The following CUX1 variants were observed in gnomAD, a reference collection of about 807,000 sequenced individuals.
CUX1 encodes cut like homeobox 1.
CUX1 carries 31 observed loss-of-function variants against 158.8 expected under a neutral mutation model. The observed-to-expected ratio is 0.20, with a 90% CI of 0.15 to 0.26. The LOEUF (loss-of-function observed/expected upper bound fraction) is 0.26, where lower values mean the gene tolerates loss of function less well. CUX1 is among the 10% of genes least tolerant of loss of function. The pLI is 1.00. For synonymous variants in CUX1, 879 were observed against 862.1 expected, an observed-to-expected ratio of 1.02 and a Z score of -0.34; for missense variants, 1,589 against 2,014.6, an observed-to-expected ratio of 0.79 and a Z score of 4.04.
chr7:102,099,348 G>C (rs936290130), intron 5 of CUX1, among the ~76,000 whole-genome samples: 5 of 152,164 alleles, frequency 3.3e-5, no homozygotes, highest in African/African-American at 4.8e-5. Flanking sequence ...TGCTGTGAGG[G>C]AAGGTATTAC....
At chr7:102,220,553 C>T (rs1475267022) in intron 20 of CUX1, among the ~76,000 whole-genome samples, 1 of 152,170 alleles carries the variant, frequency 6.6e-6, no homozygotes, top group Non-Finnish European at 1.5e-5. Context: ...TGGTGGCCAC[C>T]CTGTTGTGTC....
intron 9 of CUX1, among the ~76,000 whole-genome samples, chr7:102,165,683 C>A (rs367333): frequency 0.63 from 96,450 of 151,896 alleles, 32,320 homozygotes; most frequent in African/African-American, 0.82. Flanking sequence ...TACTTACCAT[C>A]CTTCCTGGGG....
In CUX1 at chr7:102,230,846, T is replaced by C. The variant is rs118095005; in HGVS notation, c.3433+3177T>C. 1.7e-4 allele frequency among the ~76,000 whole-genome samples: 26 copies of C among 152,224 alleles called. No homozygotes were observed. In the East Asian group the frequency reaches 4.1e-3, roughly 24 times the overall value. On this transcript the variant is annotated intron_variant, in intron 21 of 23. Transcript: ENST00000292535. ...TGCATCACTCCTGCCCACCTCCTTATAGGAAGTGGCATTTCGTGTAAATGT... is the reference window on the plus strand; with the variant it reads ...TGCATCACTCCTGCCCACCTCCTTACAGGAAGTGGCATTTCGTGTAAATGT...
At chr7:101,996,096 G>T (rs1162169393) in intron 2 of CUX1, among the ~76,000 whole-genome samples, 1 of 151,102 alleles carries the variant, frequency 6.6e-6, no homozygotes. Context: ...GGGCAACAAA[G>T]AGCAAAACTC....
At chr7:102,193,424 G>A (rs1794481833) in intron 12 of CUX1, among the ~76,000 whole-genome samples, 1 of 152,220 alleles carries the variant, frequency 6.6e-6, no homozygotes, top group African/African-American at 2.4e-5. Flanking sequence ...TACTGCCAGG[G>A]AAGTTGTTAA....
chr7:101,969,896 C>T (rs1434911618), intron 2 of CUX1, among the ~76,000 whole-genome samples: 1 of 150,782 alleles, frequency 6.6e-6, no homozygotes, highest in Non-Finnish European at 1.5e-5. Context: ...GACTCTTGCC[C>T]CAACGCGTAT....
intron 1 of CUX1, among the ~76,000 whole-genome samples, chr7:101,821,283 A>AT (rs1226749853): frequency 6.6e-6 from 1 of 151,866 alleles, no homozygotes; most frequent in African/African-American, 2.4e-5. Flanking sequence ...CATTTAGAGA[A>AT]TATAAGCTCC....
At chr7:102,027,844 A>G (rs1820232413) in intron 2 of CUX1, among the ~76,000 whole-genome samples, 1 of 152,242 alleles carries the variant, frequency 6.6e-6, no homozygotes, top group African/African-American at 2.4e-5. Context: ...CCTGGTCAAC[A>G]GAATGAGACT....
In CUX1 at chr7:102,202,220, T is replaced by C; in HGVS notation, c.2907+16T>C. On this transcript the variant is annotated intron_variant, in intron 18 of 23. Coordinates refer to ENST00000292535, the MANE Select transcript of CUX1 (RefSeq NM_181552.4). ...CGGGGAGAAGGTAAGGGATCTGCTC[T>C]GGGGGCTTTGGTTCTCCCATCTCTT... The C allele has an allele frequency of 1.3e-6, 2 of 1,571,814 alleles. No individual in the cohort carries two copies. Among genetic ancestry groups the C allele is most frequent in the Non-Finnish European group, 1.7e-6 (2 of 1,157,102 alleles).
intron 1 of CUX1, chr7:101,913,178 G>C (rs750447642): frequency 9.0e-5 from 23 of 256,812 alleles, no homozygotes; most frequent in Non-Finnish European, 1.7e-4. Context: ...CAAGGGACCT[G>C]GTCAAAGATT....
At chr7:101,914,239 G>A (rs976510677) in intron 1 of CUX1, among the ~76,000 whole-genome samples, 7 of 152,182 alleles carry the variant, frequency 4.6e-5, no homozygotes, top group Admixed American at 1.3e-4. Context: ...AAGGGGAGAA[G>A]AGTGTGGTGT....
intron 1 of CUX1, among the ~76,000 whole-genome samples, chr7:101,902,342 G>A (rs1024091942): frequency 6.6e-6 from 1 of 152,150 alleles, no homozygotes; most frequent in Admixed American, 6.5e-5. Context: ...AGGACCTGGG[G>A]GTCATTGGAG....
chr7:102,013,125 C>CAAAAAAAAAAAAAAAAAAAAAAAA (rs35020263), intron 2 of CUX1, among the ~76,000 whole-genome samples: 1 of 112,600 alleles, frequency 8.9e-6, no homozygotes, highest in African/African-American at 3.3e-5. Flanking sequence ...GCCGTCATAC[C>CAAAAAAAAAAAAAAAAAAAAAAAA]AAAAAAAAAA....
chr7:102,124,743 A>G (rs1222977022), intron 8 of CUX1, among the ~76,000 whole-genome samples: 3 of 152,002 alleles, frequency 2.0e-5, no homozygotes, highest in African/African-American at 4.8e-5. Context: ...GACAGTGACT[A>G]TAGTTAATGC....
rs782146394 is a variant in CUX1 at position 102,248,376 on chromosome 7, A to AC, written c.3888-30dup. ...CACCAGAGGCCCTTTCCCCAGCAGC[A>AC]CCCCCCTCACGTCCCCGCCGCTTGT... On this transcript the variant is annotated intron_variant, in intron 23 of 23. Transcript: ENST00000292535. The surrounding 1 kb of genome is among the most constrained non-coding windows in gnomAD (Gnocchi z 5.8). 3.9e-6 allele frequency: 6 copies of AC among 1,535,704 alleles called. No individual in the cohort carries two copies. The South Asian group carries it at 5.8e-5, about 15-fold the overall frequency.
chr7:102,130,355 T>G (rs1833079902), intron 8 of CUX1, among the ~76,000 whole-genome samples: 1 of 152,152 alleles, frequency 6.6e-6, no homozygotes, highest in African/African-American at 2.4e-5. Flanking sequence ...TGCCCTCTGA[T>G]TTTCCTAAAG....
At chr7:102,104,578 T>G in intron 6 of CUX1, 119 bp downstream of exon 6, 2 of 1,328,546 alleles carry the variant, frequency 1.5e-6, no homozygotes, top group Non-Finnish European at 2.1e-6. Context: ...CCCAAATCTA[T>G]AAGGGGTAAA....
At position 102,251,610 on chromosome 7, in the gene CUX1, C is replaced by T. The variant is rs1801512876; in HGVS notation, c.*2568C>T. On this transcript the variant is annotated 3_prime_UTR_variant, in exon 24 of 24. Coordinates refer to ENST00000292535, the MANE Select transcript of CUX1 (RefSeq NM_181552.4). ...AAAATTAGAGGAGCTTAAGGGGACA[C>T]GGGTCAACATCTAGCTCGATTCAGG... The T allele has an allele frequency of 9.1e-6, 9 of 985,326 alleles. No individual in the cohort carries two copies. Among genetic ancestry groups the T allele is most frequent in the Non-Finnish European group, 9.6e-6 (8 of 829,892 alleles). The allele number at this position is 985,326 out of a possible 1,614,324, so 61.0% of individuals were successfully genotyped here.
At chr7:101,960,165 C>T (rs1052090839) in intron 2 of CUX1, 8 of 152,154 alleles carry the variant, frequency 5.3e-5, no homozygotes, top group Admixed American at 3.9e-4. Flanking sequence ...GAAATGTCTC[C>T]GGAATCTGTC....
Sources: gnomAD v4.1 joint callset for allele counts (sites outside exome capture counted in the v4.1 genomes callset) on GRCh38, gnomAD v4.1.1 for gene constraint, Gnocchi (gnomAD v3.1) non-coding constraint, MANE v1.5 for transcripts, NCBI Gene and HGNC (gene_info 2026-07-23, HGNC 2026-07-21) for gene names.